Variants in GPR161 observed in about 807,000 individuals in gnomAD.
GPR161 encodes G protein-coupled receptor 161, also known as G-protein coupled receptor RE2.
GPR161 carries 25 observed loss-of-function variants against 39.2 expected under a neutral mutation model. That is an observed-to-expected ratio of 0.64 (90% confidence interval 0.47 to 0.89). GPR161 has a LOEUF of 0.89. Ranked by LOEUF, GPR161 falls within the 40% of genes least tolerant of loss-of-function variation. The pLI is 0.00. For synonymous variants in GPR161, 286 were observed against 276.6 expected (o/e 1.03, Z -0.34); for missense variants, 547 against 677.8 (o/e 0.81, Z 2.14).
intron 1 of GPR161, among the ~76,000 whole-genome samples, chr1:168,112,513 A>G (rs1211892086): frequency 3.9e-4 from 53 of 135,998 alleles, no homozygotes; most frequent in Non-Finnish European, 6.9e-4. Context: ...AAAGGAAAAG[A>G]AAAAAAAAAA....
intron 1 of GPR161, among the ~76,000 whole-genome samples, chr1:168,117,505 C>G (rs4657734): frequency 2.0e-5 from 3 of 151,964 alleles, no homozygotes; most frequent in South Asian, 2.1e-4. Context: ...ACTTAACCCC[C>G]CCCTGCATCA....
At chr1:168,102,350 C>A (rs986173417) in intron 2 of GPR161, among the ~76,000 whole-genome samples, 1 of 152,090 alleles carries the variant, frequency 6.6e-6, no homozygotes, top group Admixed American at 6.5e-5. Context: ...GTGGAGTTGT[C>A]GATGGTGGTT....
intron 1 of GPR161, among the ~76,000 whole-genome samples, chr1:168,107,832 A>C (rs1269181231): frequency 6.6e-6 from 1 of 152,192 alleles, no homozygotes; most frequent in Admixed American, 6.5e-5. Context: ...AAAGGTTGGC[A>C]GCACTCTCTG....
intron 1 of GPR161, among the ~76,000 whole-genome samples, chr1:168,113,600 T>G (rs190988467): frequency 6.6e-6 from 1 of 152,330 alleles, no homozygotes; most frequent in East Asian, 1.9e-4. Flanking sequence ...CCATCAATGA[T>G]AGACTGGATA....
upstream of GPR161, chr1:168,137,085 G>T (rs532267296): frequency 3.8e-4 from 261 of 694,510 alleles, 1 homozygote; most frequent in Non-Finnish European, 4.4e-4. Flanking sequence ...CTTCGCGTCC[G>T]TCCGCCCGCC....
intron 3 of GPR161, among the ~76,000 whole-genome samples, chr1:168,096,278 C>T (rs1695529328): frequency 6.6e-6 from 1 of 152,112 alleles, no homozygotes; most frequent in South Asian, 2.1e-4. Context: ...CATACCAGGG[C>T]ACCAGGGAGC....
intron 3 of GPR161, among the ~76,000 whole-genome samples, chr1:168,093,027 G>T (rs963704179): frequency 6.6e-6 from 1 of 152,086 alleles, no homozygotes; most frequent in Admixed American, 6.5e-5. Context: ...GTCGGCCAGC[G>T]GAAGGGCAGG....
chr1:168,091,413 C>G (rs1695054147), intron 3 of GPR161, among the ~76,000 whole-genome samples: 1 of 152,164 alleles, frequency 6.6e-6, no homozygotes, highest in Non-Finnish European at 1.5e-5. Context: ...CCCACTTAAC[C>G]TGGGCTGGAG....
In GPR161 at chr1:168,108,859, T is replaced by A. The variant is rs188136408; in HGVS notation, c.-44-3965A>T. ...GGTAATGGCATTGCAATTTTATACC[T>A]ATTGGACTGTAGGGCAATTGTGTAT... On this transcript the variant is annotated intron_variant, in intron 1 of 5. Transcript: ENST00000682931. Among the ~76,000 whole-genome samples, 8 of 152,318 alleles carry A rather than the reference T, an allele frequency of 5.3e-5. No homozygotes were observed. In the East Asian group the frequency reaches 1.4e-3, roughly 26 times the overall value.
At chr1:168,133,990 GAATTT>G in intron 1 of GPR161, 5 of 300,778 alleles carry the variant, frequency 1.7e-5, no homozygotes, top group Non-Finnish European at 2.5e-5. Context: ...AGGTGGAGGG[GAATTT>G]AATTTATTTT....
rs1694318613 is a variant in GPR161 at position 168,084,831 on chromosome 1, G to A, written c.*700C>T. 2.2e-6 allele frequency: 1 copy of A among 455,928 alleles called. No homozygotes were observed. The highest frequency in any genetic ancestry group is 4.4e-6 in the Non-Finnish European group (1 of 226,952). The allele number at this position is 455,928 out of a possible 1,614,324, so 28.2% of individuals were successfully genotyped here. A position where few individuals can be genotyped will look rare whatever the true frequency, so the allele number is the denominator to read the frequency against. ...GCCCTTCCTCTTGTCTTTTATAGTG[G>A]TTTCTCCCTTTTGAAATACCAAAGA... On this transcript the variant is annotated 3_prime_UTR_variant, in exon 6 of 6. Transcript: ENST00000682931.
intron 5 of GPR161, 76 bp downstream of exon 5, chr1:168,087,509 C>G: frequency 6.4e-7 from 1 of 1,551,922 alleles, no homozygotes; most frequent in Non-Finnish European, 8.9e-7. Context: ...TGGGAGCCAG[C>G]CTGAGCCAAG....
intron 1 of GPR161, 81 bp downstream of exon 1, chr1:168,136,658 C>G: frequency 4.2e-6 from 5 of 1,195,150 alleles, no homozygotes; most frequent in Non-Finnish European, 5.2e-6. Flanking sequence ...CCCTCAGCCT[C>G]GCACAATGAG....
intron 2 of GPR161, among the ~76,000 whole-genome samples, chr1:168,099,425 C>A (rs993080894): frequency 6.6e-6 from 1 of 152,148 alleles, no homozygotes; most frequent in Admixed American, 6.5e-5. Context: ...AGTGTACGGC[C>A]GGTTGTGGGA....
intron 2 of GPR161, among the ~76,000 whole-genome samples, chr1:168,102,446 G>A (rs1294754366): frequency 1.3e-5 from 2 of 152,162 alleles, no homozygotes; most frequent in Non-Finnish European, 2.9e-5. Context: ...TCTGTGTCCT[G>A]CTCATGCTTG....
chr1:168,096,936 C>A lies in GPR161; in HGVS notation c.671G>T (p.Cys224Phe). 6.2e-6 allele frequency: 10 copies of A among 1,614,204 alleles called. No individual in the cohort carries two copies. The highest frequency in any genetic ancestry group is 8.5e-6 in the Non-Finnish European group (10 of 1,180,038). ...CTCCTCCACGATGACGACTGTGCCA[C>A]AGTGCACCTTGCGTGCCTTGACCCT... ...VARVKARKVH[C>F]GTVVIVEEDA... The change falls in exon 3 of 6, where the codon TGT becomes TTT. Residue 224 changes from cysteine to phenylalanine, a missense_variant. By Grantham distance (205) the Cys-to-Phe change is radical. Coordinates refer to ENST00000682931, the MANE Select transcript of GPR161 (RefSeq NM_001375883.1).
At chr1:168,136,368 G>A in intron 1 of GPR161, 2 of 1,456,722 alleles carry the variant, frequency 1.4e-6, no homozygotes. Context: ...CATCGGCAGA[G>A]TCCCGGGCAC....
At chr1:168,128,770 A>G (rs1451004226) in intron 1 of GPR161, among the ~76,000 whole-genome samples, 1 of 152,178 alleles carries the variant, frequency 6.6e-6, no homozygotes, top group Non-Finnish European at 1.5e-5. Context: ...CTAAAACTAT[A>G]TTATTTTTAA....
chr1:168,089,160 G>A (rs1694822279), intron 4 of GPR161: 1 of 152,114 alleles, frequency 6.6e-6, no homozygotes, highest in Admixed American at 6.6e-5. Flanking sequence ...CTGGCACAGG[G>A]TCCGGCCAAG....
Sources: allele counts gnomAD v4.1 joint callset (sites outside exome capture counted in the v4.1 genomes callset), GRCh38; gene constraint gnomAD v4.1.1; transcripts MANE v1.5; gene names NCBI Gene and HGNC (gene_info 2026-07-23, HGNC 2026-07-21).